Variants in MCTP2 observed in about 807,000 individuals in gnomAD.
The protein encoded by MCTP2 is multiple C2 and transmembrane domain containing 2.
In MCTP2, 132 loss-of-function variants were observed where a neutral mutation model predicts 111.6. The observed-to-expected ratio is 1.18, with a 90% CI of 1.03 to 1.37. MCTP2 has a LOEUF of 1.37. Among genes scored for constraint, MCTP2 ranks in the 40% most tolerant of loss-of-function variants. The pLI, the probability that MCTP2 is intolerant of heterozygous loss-of-function variation, is 0.00. For missense variants in MCTP2, 1,183 were observed against 1,067.9 expected (o/e 1.11, Z -1.50); for synonymous variants, 395 against 387.7 (o/e 1.02, Z -0.22).
intron 9 of MCTP2, among the ~76,000 whole-genome samples, chr15:94,358,175 T>G (rs1206219938): frequency 2.0e-5 from 3 of 152,234 alleles, no homozygotes; most frequent in Admixed American, 6.5e-5. Flanking sequence ...TTGTAAGATG[T>G]CTGCTGATAT....
intron 10 of MCTP2, among the ~76,000 whole-genome samples, chr15:94,361,084 G>GTTTTTTTTTTTTTT (rs67774490): frequency 1.2e-4 from 1 of 8,400 alleles, no homozygotes. Flanking sequence ...AATATTTCAA[G>GTTTTTTTTTTTTTT]TTTTTTTTTT....
At chr15:94,385,291 G>T in intron 13 of MCTP2, 132 bp from the exon 14 acceptor site, 2 of 570,974 alleles carry the variant, frequency 3.5e-6, no homozygotes, top group South Asian at 2.7e-5. Context: ...TTAATTTTTG[G>T]AATTTAATTA....
chr15:94,359,675 T>TA (rs2152427540), intron 10 of MCTP2, among the ~76,000 whole-genome samples: 1 of 152,200 alleles, frequency 6.6e-6, no homozygotes, highest in Non-Finnish European at 1.5e-5. Flanking sequence ...ACTTTTCTAG[T>TA]AAAAACCCCT....
At chr15:94,443,103 C>A in intron 19 of MCTP2, 143 bp downstream of exon 19, 5 of 517,688 alleles carry the variant, frequency 9.7e-6, no homozygotes, top group South Asian at 8.0e-5. Context: ...ATTATTGTAA[C>A]TTTTAAAAAG....
intron 12 of MCTP2, 138 bp from the exon 13 acceptor site, chr15:94,383,884 G>C: frequency 1.6e-6 from 1 of 630,426 alleles, no homozygotes. Context: ...TCCCACACAG[G>C]GCCTCCATGA....
At position 94,298,712 on chromosome 15, in the gene MCTP2, T is replaced by C. The variant is rs768052939; in HGVS notation, c.447T>C (p.Asp149=). The part of the protein sequence containing the change: ...FDLQKTSLGG[D]APEEPEKLCG... ...TTCAGAAAACTTCCCTTGGAGGGGA[T>C]GCACCAGAAGAGCCAGAGGTGAGAA... Residue 149 remains aspartate (D), a synonymous_variant, in exon 2 of 23, where the codon GAT becomes GAC. Transcript: ENST00000357742. The C allele has an allele frequency of 1.2e-6, 2 of 1,608,628 alleles. No homozygotes were observed. Among genetic ancestry groups the C allele is most frequent in the Non-Finnish European group, 1.7e-6 (2 of 1,178,166 alleles).
chr15:94,314,464 A>G, intron 3 of MCTP2, 120 bp downstream of exon 3: 1 of 736,964 alleles, frequency 1.4e-6, no homozygotes, highest in Non-Finnish European at 2.2e-6. Context: ...GCCAAACCGT[A>G]TCCACTTACA....
Position 94,285,877 on chromosome 15 carries a change from C to T in MCTP2, c.-65-12324C>T, listed in dbSNP as rs539488762. The stretch of plus-strand genomic sequence containing the variant: ...ACTTCTCTATTAATGCATTATGTTT[C>T]CTTCCAAGAACATGGATGGTGGGGC... On this transcript the variant is annotated intron_variant, in intron 1 of 22. Coordinates refer to ENST00000357742, the MANE Select transcript of MCTP2 (RefSeq NM_001385001.1). 3.9e-5 allele frequency among the ~76,000 whole-genome samples: 6 copies of T among 152,256 alleles called. No individual in the cohort carries two copies. In the South Asian group the frequency reaches 1.2e-3, roughly 32 times the overall value.
At chr15:94,355,890 G>A (rs572348089) in intron 8 of MCTP2, 29 of 1,049,824 alleles carry the variant, frequency 2.8e-5, no homozygotes, top group Admixed American at 5.5e-5. Context: ...TGGGAGTACC[G>A]GCCAGTGCCA....
rs1442854924 is a variant in MCTP2 at position 94,314,271 on chromosome 15, T to C, written c.466-11T>C. 1 of 1,599,818 alleles carries C rather than the reference T, an allele frequency of 6.3e-7. No homozygotes were observed. Among genetic ancestry groups the C allele is most frequent in the Non-Finnish European group, 8.5e-7 (1 of 1,173,204 alleles). ...TTTGTAAAGCAGATTTTTTTTTCTTTTTCTTTGCAGAAGCTATGTGGAAGC... is the reference window on the plus strand; with the variant it reads ...TTTGTAAAGCAGATTTTTTTTTCTTCTTCTTTGCAGAAGCTATGTGGAAGC... On this transcript the variant is annotated splice_polypyrimidine_tract_variant and intron_variant, in intron 2 of 22. Transcript: ENST00000357742.
chr15:94,481,161 A>G lies in MCTP2; in HGVS notation c.*2127A>G, dbSNP rs2074706317. 6.6e-6 allele frequency: 1 copy of G among 152,164 alleles called. No individual in the cohort carries two copies. Among genetic ancestry groups the G allele is most frequent in the African/African-American group, 2.4e-5 (1 of 41,438 alleles). 9.4% of individuals were successfully genotyped at this position (152,164 alleles called of 1,614,324 possible). On this transcript the variant is annotated 3_prime_UTR_variant, in exon 23 of 23. Coordinates refer to ENST00000357742, the MANE Select transcript of MCTP2 (RefSeq NM_001385001.1). ...TAAGTAGGGATGTTGAAGTCTTGCC[A>G]AGTTTTCCTGGTTCCCTTCTCAAAC...
intron 8 of MCTP2, among the ~76,000 whole-genome samples, chr15:94,348,904 C>G (rs918059676): frequency 2.6e-5 from 4 of 152,024 alleles, no homozygotes; most frequent in Middle Eastern, 3.2e-3. Context: ...TGGTTAAACT[C>G]AAAGGATTGG....
intron 4 of MCTP2, among the ~76,000 whole-genome samples, chr15:94,319,810 A>G (rs988335986): frequency 6.6e-6 from 1 of 152,232 alleles, no homozygotes; most frequent in Non-Finnish European, 1.5e-5. Context: ...CAGGTTTAAG[A>G]AACTGTGTGA....
At chr15:94,245,137 TA>T (rs1322760452) in intron 1 of MCTP2, among the ~76,000 whole-genome samples, 1 of 148,848 alleles carries the variant, frequency 6.7e-6, no homozygotes, top group Non-Finnish European at 1.5e-5. Context: ...CATGTGTATA[TA>T]TTTATACACA....
At chr15:94,455,546 T>G (rs1240722921) in intron 19 of MCTP2, among the ~76,000 whole-genome samples, 1 of 152,116 alleles carries the variant, frequency 6.6e-6, no homozygotes, top group Admixed American at 6.5e-5. Context: ...CAAGTGATTA[T>G]CCTGCCTCAG....
intron 4 of MCTP2, among the ~76,000 whole-genome samples, chr15:94,315,907 T>C (rs1186547902): frequency 6.6e-6 from 1 of 152,258 alleles, no homozygotes; most frequent in African/African-American, 2.4e-5. Flanking sequence ...GCTTTACGCC[T>C]GGCCTATGGC....
intron 12 of MCTP2, 56 bp downstream of exon 12, chr15:94,370,236 A>G (rs2079411619): frequency 7.0e-7 from 1 of 1,421,562 alleles, no homozygotes. Context: ...CTTTGAAACA[A>G]TCTCCTGGCA....
At chr15:94,393,366 G>A (rs2081100740) in intron 14 of MCTP2, among the ~76,000 whole-genome samples, 1 of 152,192 alleles carries the variant, frequency 6.6e-6, no homozygotes, top group African/African-American at 2.4e-5. Flanking sequence ...AAACTTGAAG[G>A]ATGAAGTCAT....
intron 1 of MCTP2, among the ~76,000 whole-genome samples, chr15:94,246,671 C>T (rs1036659516): frequency 1.3e-5 from 2 of 152,146 alleles, no homozygotes; most frequent in South Asian, 2.1e-4. Flanking sequence ...TTGTTCTAGC[C>T]GAGGCTCTAT....
Sources: gnomAD v4.1 joint callset for allele counts (sites outside exome capture counted in the v4.1 genomes callset) on GRCh38, gnomAD v4.1.1 for gene constraint, MANE v1.5 for transcripts, NCBI Gene and HGNC (gene_info 2026-07-23, HGNC 2026-07-21) for gene names.